The following CR1L variants were observed in gnomAD, a reference collection of about 807,000 sequenced individuals.
CR1L encodes complement C3b/C4b receptor 1 like.
Under a neutral mutation model 62.3 loss-of-function variants are expected in CR1L, and 59 were observed. That is an observed-to-expected ratio of 0.95 (90% CI 0.77 to 1.18). The LOEUF is 1.18. Among genes scored for constraint, CR1L ranks in the 50% most tolerant of loss-of-function variants. The probability of loss-of-function intolerance (pLI) is 0.00; values close to 1 mark genes in which losing one functional copy is unlikely to be tolerated. For synonymous variants in CR1L, 279 were observed against 248.7 expected (o/e 1.12, Z -1.15); for missense variants, 700 against 702.8 (o/e 1.00, Z 0.04).
intron 9 of CR1L, 30 bp downstream of exon 9, chr1:207,701,648 A>G (rs1164777194): frequency 6.2e-7 from 1 of 1,613,128 alleles, no homozygotes; most frequent in Non-Finnish European, 8.5e-7. Context: ...TCTTGGTTCC[A>G]GAGTTCCAGC....
At chr1:207,672,200 G>A (rs1473360139) in intron 1 of CR1L, among the ~76,000 whole-genome samples, 1 of 150,550 alleles carries the variant, frequency 6.6e-6, no homozygotes, top group African/African-American at 2.5e-5. Flanking sequence ...GATATACCAT[G>A]CTAATGCTAG....
At chr1:207,702,121 T>C (rs750317157) in intron 9 of CR1L, among the ~76,000 whole-genome samples, 13 of 152,176 alleles carry the variant, frequency 8.5e-5, no homozygotes, top group Non-Finnish European at 1.8e-4. Flanking sequence ...TATCCAACAG[T>C]GTGTGTTGAC....
At chr1:207,684,344 C>T (rs1484516045) in intron 4 of CR1L, among the ~76,000 whole-genome samples, 12 of 150,328 alleles carry the variant, frequency 8.0e-5, no homozygotes, top group Non-Finnish European at 3.0e-5. Context: ...TCATGTACCA[C>T]GAGATCAACA....
At chr1:207,701,744 A>C (rs1333417321) in intron 9 of CR1L, 126 bp downstream of exon 9, 2 of 1,237,778 alleles carry the variant, frequency 1.6e-6, no homozygotes, top group Non-Finnish European at 1.2e-6. Context: ...ACAGGTATTA[A>C]CTCCTGATTG....
chr1:207,652,866 T>C (rs1305597630), intron 1 of CR1L: 1 of 381,738 alleles, frequency 2.6e-6, no homozygotes, highest in Non-Finnish European at 4.7e-6. Flanking sequence ...TAGCAATGCA[T>C]TTTTGCAGAC....
intron 1 of CR1L, among the ~76,000 whole-genome samples, 182 bp downstream of exon 1, chr1:207,645,512 A>G (rs1315832635): frequency 6.6e-6 from 1 of 152,126 alleles, no homozygotes; most frequent in Non-Finnish European, 1.5e-5. Flanking sequence ...GGGATGCGGG[A>G]ACCACGCAGA....
intron 10 of CR1L, among the ~76,000 whole-genome samples, chr1:207,709,602 C>G (rs1347067107): frequency 6.6e-6 from 1 of 152,060 alleles, no homozygotes; most frequent in African/African-American, 2.4e-5. Context: ...TTGGGAGGCC[C>G]AAGGTAGGTG....
intron 11 of CR1L, among the ~76,000 whole-genome samples, chr1:207,723,336 A>C (rs749327542): frequency 3.3e-5 from 5 of 151,712 alleles, no homozygotes; most frequent in Admixed American, 6.6e-5. Context: ...AGGCTGAGGC[A>C]CGAGAATCCC....
intron 4 of CR1L, among the ~76,000 whole-genome samples, chr1:207,691,792 C>T (rs937901514): frequency 6.6e-6 from 1 of 152,190 alleles, no homozygotes; most frequent in African/African-American, 2.4e-5. Flanking sequence ...TTGTGTCCTC[C>T]TCCTCTTTTT....
chr1:207,677,494 G>C lies in CR1L; in HGVS notation c.203G>C (p.Gly68Ala). 1 of 1,613,832 alleles carries C rather than the reference G, an allele frequency of 6.2e-7. No individual in the cohort carries two copies. Among genetic ancestry groups the C allele is most frequent in the East Asian group, 2.2e-5 (1 of 44,868 alleles). ...GTYLNYECRP[G>A]YSGRPFSIIC... ...TATCTGAACTATGAATGCCGCCCTG[G>C]TTATTCCGGAAGACCGTTTTCTATC... is the stretch of plus-strand genomic sequence containing the variant. Residue 68 changes from glycine (G) to alanine (A), a missense_variant, in exon 2 of 12, where the codon GGT (glycine) becomes GCT (alanine). Transcript: ENST00000508064.
chr1:207,710,454 A>G (rs1664336220), intron 10 of CR1L: 6 of 1,593,240 alleles, frequency 3.8e-6, no homozygotes, highest in African/African-American at 1.3e-5. Context: ...TATTTTCACT[A>G]TGGATCAGTG....
chr1:207,705,588 C>A (rs562031414), intron 9 of CR1L, among the ~76,000 whole-genome samples: 1 of 152,304 alleles, frequency 6.6e-6, no homozygotes, highest in East Asian at 1.9e-4. Flanking sequence ...CTTCAGAGAC[C>A]ATAGCACCTA....
intron 1 of CR1L, 29 bp from the exon 2 acceptor site, chr1:207,677,360 T>G (rs1663710973): frequency 7.9e-7 from 1 of 1,260,580 alleles, no homozygotes; most frequent in African/African-American, 1.6e-5. Flanking sequence ...CTCCATTAAC[T>G]TCGATGCTGC....
chr1:207,679,228 C>T (rs1445314437), intron 3 of CR1L, among the ~76,000 whole-genome samples: 1 of 135,970 alleles, frequency 7.4e-6, no homozygotes, highest in Admixed American at 8.3e-5. Context: ...TGGTCTCGAT[C>T]TCCTGATCTC....
chr1:207,723,562 G>T (rs1263736195), intron 11 of CR1L, 56 bp from the exon 12 acceptor site: 1 of 1,404,108 alleles, frequency 7.1e-7, no homozygotes, highest in African/African-American at 1.4e-5. Flanking sequence ...GAGAAGTCCT[G>T]TTCAATCATG....
chr1:207,669,572 C>G, intron 1 of CR1L: 4 of 1,507,314 alleles, frequency 2.7e-6, no homozygotes, highest in South Asian at 1.2e-5. Context: ...TGGGGTGAAA[C>G]GCTGGGGGGC....
intron 1 of CR1L, among the ~76,000 whole-genome samples, chr1:207,666,047 T>C (rs185881148): frequency 6.6e-6 from 1 of 152,332 alleles, no homozygotes; most frequent in East Asian, 1.9e-4. Flanking sequence ...CAGTTATGCA[T>C]GGAGGAGAAA....
intron 1 of CR1L, among the ~76,000 whole-genome samples, chr1:207,656,007 C>T (rs1427656031): frequency 2.0e-5 from 3 of 152,036 alleles, no homozygotes; most frequent in African/African-American, 7.2e-5. Flanking sequence ...GGGAGGCCGA[C>T]GCGGGTGGAT....
chr1:207,678,305 G>T lies in CR1L; in HGVS notation c.377+8G>T. ...ATATTCTTGTCCTAAAGGGTGAGTT[G>T]GCATCTCTTGAACCAACATCTCTTG... On this transcript the variant is annotated splice_region_variant and intron_variant, in intron 3 of 11. Transcript: ENST00000508064. 6.2e-7 allele frequency: 1 copy of T among 1,608,982 alleles called. No individual in the cohort carries two copies. Among genetic ancestry groups the T allele is most frequent in the Non-Finnish European group, 8.5e-7 (1 of 1,175,462 alleles).
Sources: gnomAD v4.1 joint callset for allele counts (sites outside exome capture counted in the v4.1 genomes callset) on GRCh38, gnomAD v4.1.1 for gene constraint, MANE v1.5 for transcripts, NCBI Gene and HGNC (gene_info 2026-07-23, HGNC 2026-07-21) for gene names.